EPHA3: variants seen among roughly 807,000 people sequenced by gnomAD.
EPHA3 encodes the protein EPH receptor A3.
Under a neutral mutation model 107.1 loss-of-function variants are expected in EPHA3, and 42 were observed. That is an observed-to-expected ratio of 0.39 (90% CI 0.31 to 0.51). The LOEUF (loss-of-function observed/expected upper bound fraction) is 0.51. Among genes scored for constraint, EPHA3 ranks in the 20% least tolerant of loss-of-function variants. The pLI is 0.78. For synonymous variants in EPHA3, 461 were observed against 424.8 expected, an observed-to-expected ratio of 1.09 and a Z score of -1.05; for missense variants, 1,183 against 1,211.2, an observed-to-expected ratio of 0.98 and a Z score of 0.35.
chr3:89,269,120 A>G (rs1309635806), intron 3 of EPHA3, among the ~76,000 whole-genome samples: 1 of 152,168 alleles, frequency 6.6e-6, no homozygotes, highest in Admixed American at 6.6e-5. Context: ...AGATCTTTTA[A>G]GCATTTAATG....
chr3:89,182,805 C>T (rs766205763), intron 2 of EPHA3, among the ~76,000 whole-genome samples: 25 of 151,686 alleles, frequency 1.6e-4, no homozygotes, highest in South Asian at 2.1e-4. Context: ...TCTCACACTC[C>T]TTTGAAAGAG....
At chr3:89,301,214 G>A (rs944046642) in intron 3 of EPHA3, among the ~76,000 whole-genome samples, 15 of 152,056 alleles carry the variant, frequency 9.9e-5, no homozygotes, top group African/African-American at 3.1e-4. Context: ...TCATGGCGAT[G>A]CAGAAAAGAA....
intron 2 of EPHA3, among the ~76,000 whole-genome samples, chr3:89,164,504 T>G (rs1196431117): frequency 6.6e-6 from 1 of 152,202 alleles, no homozygotes; most frequent in Non-Finnish European, 1.5e-5. Context: ...ACCTGACATC[T>G]GAATTTTCCC....
In EPHA3 at chr3:89,344,480, G is replaced by A. The variant is rs571560720; in HGVS notation, c.1306+2390G>A. Among the ~76,000 whole-genome samples the A allele has an allele frequency of 5.9e-5, 9 of 152,310 alleles. No homozygotes were observed. In the South Asian group the frequency reaches 1.9e-3, roughly 32 times the overall value. On this transcript the variant is annotated intron_variant, in intron 5 of 16. Coordinates refer to ENST00000336596, the MANE Select transcript of EPHA3 (RefSeq NM_005233.6). ...TCAGGATGTCTGTATCATTTTGTGTGCCTGGGGAGATAGAGGTCTTTGTTC... is the reference window on the plus strand; with the variant it reads ...TCAGGATGTCTGTATCATTTTGTGTACCTGGGGAGATAGAGGTCTTTGTTC...
intron 2 of EPHA3, among the ~76,000 whole-genome samples, chr3:89,195,394 TC>T (rs1172537229): frequency 2.0e-5 from 3 of 152,104 alleles, no homozygotes; most frequent in African/African-American, 7.2e-5. Flanking sequence ...TTGAACCCCC[TC>T]CTAAGCTTCA....
chr3:89,219,110 G>T (rs2107200968), intron 3 of EPHA3, among the ~76,000 whole-genome samples: 1 of 151,996 alleles, frequency 6.6e-6, no homozygotes, highest in South Asian at 2.1e-4. Context: ...AAGAGTTAAG[G>T]TTTCAATCTC....
At chr3:89,291,079 C>T (rs1336604924) in intron 3 of EPHA3, among the ~76,000 whole-genome samples, 1 of 152,118 alleles carries the variant, frequency 6.6e-6, no homozygotes, top group African/African-American at 2.4e-5. Context: ...TTTGACTCAT[C>T]ACTGGAACTC....
intron 3 of EPHA3, among the ~76,000 whole-genome samples, chr3:89,316,408 G>A (rs117367920): frequency 3.1e-4 from 47 of 149,714 alleles, no homozygotes; most frequent in African/African-American, 7.1e-4. Flanking sequence ...CAGATATGAC[G>A]TTTCACTAAC....
intron 5 of EPHA3, among the ~76,000 whole-genome samples, chr3:89,368,186 TG>T (rs1245704441): frequency 1.3e-5 from 2 of 150,524 alleles, no homozygotes; most frequent in East Asian, 1.9e-4. Context: ...TGTGGAGGTA[TG>T]GGGTTTTTTA....
At chr3:89,253,787 G>A (rs1389433774) in intron 3 of EPHA3, among the ~76,000 whole-genome samples, 2 of 150,926 alleles carry the variant, frequency 1.3e-5, no homozygotes, top group African/African-American at 4.9e-5. Flanking sequence ...ATTATAGTTT[G>A]TGGTTAGTTT....
chr3:89,402,917 A>G (rs1377283671), intron 7 of EPHA3, among the ~76,000 whole-genome samples: 3 of 152,122 alleles, frequency 2.0e-5, no homozygotes, highest in Admixed American at 1.3e-4. Context: ...ACCTCAAGTA[A>G]TCCGACTGCC....
intron 2 of EPHA3, among the ~76,000 whole-genome samples, chr3:89,200,420 T>A (rs183806009): frequency 1.9e-4 from 29 of 152,194 alleles, no homozygotes; most frequent in Non-Finnish European, 3.5e-4. Context: ...CTCTTTATAA[T>A]CTTTTTGGGA....
intron 3 of EPHA3, among the ~76,000 whole-genome samples, chr3:89,269,607 C>T (rs74754030): frequency 1.7e-3 from 245 of 142,674 alleles, no homozygotes; most frequent in Non-Finnish European, 2.5e-3. Context: ...TTTTTTCTTT[C>T]TTTTTTTTTT....
At chr3:89,157,887 A>G (rs936990439) in intron 2 of EPHA3, among the ~76,000 whole-genome samples, 7 of 151,752 alleles carry the variant, frequency 4.6e-5, no homozygotes, top group Non-Finnish European at 1.0e-4. Flanking sequence ...GAAAGAAGTC[A>G]GGGGAAAGAG....
chr3:89,437,619 T>C (rs1198463011), intron 13 of EPHA3, among the ~76,000 whole-genome samples: 1 of 152,198 alleles, frequency 6.6e-6, no homozygotes, highest in African/African-American at 2.4e-5. Context: ...AAATTTTATC[T>C]TTAACTGGTT....
intron 5 of EPHA3, among the ~76,000 whole-genome samples, chr3:89,361,902 T>C (rs1708099197): frequency 6.6e-6 from 1 of 151,198 alleles, no homozygotes; most frequent in African/African-American, 2.4e-5. Context: ...ATTGCTACAC[T>C]TGTGCTGTGG....
intron 3 of EPHA3, among the ~76,000 whole-genome samples, chr3:89,255,620 A>G (rs1576268539): frequency 6.6e-6 from 1 of 151,894 alleles, no homozygotes; most frequent in African/African-American, 2.4e-5. Context: ...CCATGGTCTG[A>G]CTGGGTGAGG....
At chr3:89,428,206 G>T (rs542823126) in intron 11 of EPHA3, among the ~76,000 whole-genome samples, 1 of 151,740 alleles carries the variant, frequency 6.6e-6, no homozygotes, top group South Asian at 2.1e-4. Context: ...ATCAGTTTCC[G>T]AAAGTGACAG....
chr3:89,239,083 G>A (rs1704835175), intron 3 of EPHA3, among the ~76,000 whole-genome samples: 1 of 152,144 alleles, frequency 6.6e-6, no homozygotes, highest in African/African-American at 2.4e-5. Context: ...ATGCGAGAGT[G>A]ATTAAACATC....
Sources: allele counts gnomAD v4.1 joint callset (sites outside exome capture counted in the v4.1 genomes callset), GRCh38; gene constraint gnomAD v4.1.1; transcripts MANE v1.5; gene names NCBI Gene and HGNC (gene_info 2026-07-23, HGNC 2026-07-21).